TP53INP1: variants seen among roughly 807,000 people sequenced by gnomAD.
TP53INP1 encodes tumor protein p53 inducible nuclear protein 1, also known as tumor protein p53-inducible nuclear protein 1.
Under a neutral mutation model 21.0 loss-of-function variants are expected in TP53INP1, and 12 were observed. The ratio of observed to expected loss-of-function variants is 0.57; its 90% CI spans 0.37 to 0.93. The LOEUF is 0.93. TP53INP1 is among the 40% of genes least tolerant of loss of function. The probability of loss-of-function intolerance (pLI) is 0.01; values close to 1 mark genes in which losing one functional copy is unlikely to be tolerated. For missense variants in TP53INP1, 274 were observed against 294.7 expected (o/e 0.93, Z 0.51); for synonymous variants, 91 against 94.8 (o/e 0.96, Z 0.23).
intron 3 of TP53INP1, among the ~76,000 whole-genome samples, chr8:94,935,738 T>C (rs1820917243): frequency 1.3e-5 from 2 of 152,154 alleles, no homozygotes; most frequent in African/African-American, 2.4e-5. Context: ...TACAATTAGA[T>C]TGGAGAACAT....
intron 3 of TP53INP1, among the ~76,000 whole-genome samples, chr8:94,937,793 C>T (rs1821136734): frequency 6.6e-6 from 1 of 152,110 alleles, no homozygotes; most frequent in Admixed American, 6.6e-5. Context: ...TACCTAGACC[C>T]CATCTTGCAA....
chr8:94,927,653 A>G lies in TP53INP1; in HGVS notation c.*2826T>C, dbSNP rs143709181. ...ACAGTGCAGTACACAATTAGTTGAGAAAAAAAATAAACATAAGATATATAT... is the reference window on the plus strand; with the variant it reads ...ACAGTGCAGTACACAATTAGTTGAGGAAAAAAATAAACATAAGATATATAT... On this transcript the variant is annotated 3_prime_UTR_variant, in exon 4 of 4. Transcript: ENST00000342697. The G allele has an allele frequency of 2.7e-5, 4 of 150,882 alleles. No homozygotes were observed. Among genetic ancestry groups the G allele is most frequent in the Non-Finnish European group, 5.9e-5 (4 of 67,974 alleles). 9.3% of individuals were successfully genotyped at this position (150,882 alleles called of 1,614,324 possible).
rs1034770897 is a variant in TP53INP1 at position 94,928,420 on chromosome 8, C to G, written c.*2059G>C. 6.6e-6 allele frequency: 1 copy of G among 152,328 alleles called. No individual in the cohort carries two copies. The highest frequency in any genetic ancestry group is 6.5e-5 in the Admixed American group (1 of 15,276). The allele number at this position is 152,328 out of a possible 1,614,324, so 9.4% of individuals were successfully genotyped here. ...TTAAGCTGGTCTATTTTCAAGTTAC[C>G]AATGCATGGCCCTATAACAAACATC... is the stretch of plus-strand genomic sequence containing the variant. On this transcript the variant is annotated 3_prime_UTR_variant, in exon 4 of 4. Coordinates refer to ENST00000342697, the MANE Select transcript of TP53INP1 (RefSeq NM_033285.4).
intron 3 of TP53INP1, among the ~76,000 whole-genome samples, chr8:94,935,089 C>CGGTAGGTA (rs151249970): frequency 0.03 from 4,495 of 149,910 alleles, 218 homozygotes; most frequent in African/African-American, 0.1. Flanking sequence ...AAACAGGAAA[C>CGGTAGGTA]GGTAGGTAGG....
At chr8:94,932,180 A>G (rs1443499467) in intron 3 of TP53INP1, 14 of 1,505,844 alleles carry the variant, frequency 9.3e-6, no homozygotes, top group Non-Finnish European at 1.3e-5. Context: ...TACTATTAGG[A>G]CGTGGTCAAC....
chr8:94,936,075 C>T (rs1820946059), intron 3 of TP53INP1, among the ~76,000 whole-genome samples: 2 of 152,316 alleles, frequency 1.3e-5, no homozygotes, highest in Admixed American at 6.5e-5. Context: ...ACTGTGAACA[C>T]CTCTCAGTAA....
In TP53INP1 at chr8:94,941,103, C is replaced by T. The variant is rs567129117; in HGVS notation, c.-150-12G>A. On this transcript the variant is annotated splice_polypyrimidine_tract_variant and intron_variant, in intron 1 of 3. Coordinates refer to ENST00000342697, the MANE Select transcript of TP53INP1 (RefSeq NM_033285.4). The stretch of plus-strand genomic sequence containing the variant: ...AAGAGTCATTGTACCTAAAATAAAA[C>T]AGAAAAAGGAAGTTATTTCAAATCA... 1.0e-4 allele frequency: 61 copies of T among 592,076 alleles called. No individual in the cohort carries two copies. In the South Asian group the frequency reaches 1.3e-3, roughly 12 times the overall value. 36.7% of individuals were successfully genotyped at this position (592,076 alleles called of 1,614,324 possible).
Position 94,931,923 on chromosome 8 carries a change from T to C in TP53INP1, c.474-1195A>G, listed in dbSNP as rs554594874. On this transcript the variant is annotated intron_variant, in intron 3 of 3. Coordinates refer to ENST00000342697, the MANE Select transcript of TP53INP1 (RefSeq NM_033285.4). ...GGGGGTGGAGGCTGCTGTGAGCCAA[T>C]ATCACACCATTGCACTCCAGCCTGA... is the stretch of plus-strand genomic sequence containing the variant. 4.4e-6 allele frequency: 3 copies of C among 678,356 alleles called. No individual in the cohort carries two copies. In the South Asian group the frequency reaches 6.9e-5, roughly 16 times the overall value. 42.0% of individuals were successfully genotyped at this position (678,356 alleles called of 1,614,324 possible).
intron 3 of TP53INP1, among the ~76,000 whole-genome samples, chr8:94,939,103 G>T (rs1165243764): frequency 2.0e-5 from 3 of 152,200 alleles, no homozygotes; most frequent in Admixed American, 2.0e-4. Flanking sequence ...ACTGTGCAGT[G>T]TGAGTATTGC....
chr8:94,938,663 T>G (rs1474647297), intron 3 of TP53INP1, among the ~76,000 whole-genome samples: 2 of 152,198 alleles, frequency 1.3e-5, no homozygotes, highest in African/African-American at 4.8e-5. Flanking sequence ...CCAATAGTAC[T>G]GAGTTCAGGG....
chr8:94,939,350 A>G (rs1209271707), intron 3 of TP53INP1, among the ~76,000 whole-genome samples: 1 of 152,216 alleles, frequency 6.6e-6, no homozygotes, highest in Non-Finnish European at 1.5e-5. Flanking sequence ...ATGCTATTAT[A>G]TAACTGGGGC....
At chr8:94,947,782 G>T (rs996913499) in intron 1 of TP53INP1, among the ~76,000 whole-genome samples, 1 of 152,202 alleles carries the variant, frequency 6.6e-6, no homozygotes, top group Non-Finnish European at 1.5e-5. Flanking sequence ...GGAAGCAATG[G>T]CAGGAAAGAA....
chr8:94,930,743 AGT>A lies in TP53INP1; in HGVS notation c.474-17_474-16del, dbSNP rs138854584. The A allele has an allele frequency of 0.01, 16,747 of 1,612,702 alleles. 125 individuals are homozygous for A. The highest frequency in any genetic ancestry group is 0.033 in the Middle Eastern group (198 of 5,996). On this transcript the variant is annotated splice_polypyrimidine_tract_variant and intron_variant, in intron 3 of 3. Transcript: ENST00000342697. ...GAGCTTCCACTCTGAAACAGAAAAA[AGT>A]GGGGATGTATTAAATAACAGAGTAT... is the stretch of plus-strand genomic sequence containing the variant.
intron 3 of TP53INP1, among the ~76,000 whole-genome samples, chr8:94,933,281 T>C (rs1820608960): frequency 6.6e-6 from 1 of 152,228 alleles, no homozygotes. Context: ...GTATTTGTTT[T>C]ACTATCCCTA....
intron 3 of TP53INP1, among the ~76,000 whole-genome samples, chr8:94,938,854 C>T (rs1821246731): frequency 6.6e-6 from 1 of 152,220 alleles, no homozygotes; most frequent in Admixed American, 6.5e-5. Flanking sequence ...CGTGGGAACA[C>T]CAGTTTACAG....
intron 1 of TP53INP1, among the ~76,000 whole-genome samples, chr8:94,941,768 G>A (rs1262157401): frequency 6.6e-6 from 1 of 152,208 alleles, no homozygotes; most frequent in Non-Finnish European, 1.5e-5. Flanking sequence ...TGCTGTGTGA[G>A]TTAGGAAGTT....
At chr8:94,934,211 T>C (rs1820744478) in intron 3 of TP53INP1, among the ~76,000 whole-genome samples, 1 of 152,108 alleles carries the variant, frequency 6.6e-6, no homozygotes, top group Non-Finnish European at 1.5e-5. Flanking sequence ...CATCTCTGGG[T>C]CATGAAAATG....
In TP53INP1 at chr8:94,940,178, T is replaced by C. The variant is rs1214200215; in HGVS notation, c.155A>G (p.Glu52Gly). ...AGTAGGTGACTCTTCACTGATGTCCTCCTCTTCTTCTTCTTCTTCTGCTGA... is the reference window on the plus strand; with the variant it reads ...AGTAGGTGACTCTTCACTGATGTCCCCCTCTTCTTCTTCTTCTTCTGCTGA... ...GFSAEEEEEE[E>G]DISEESPTEH... is the part of the protein sequence containing the mutation. The change falls in exon 3 of 4, where the codon GAG becomes GGG. Residue 52 changes from glutamate (E) to glycine (G), a missense_variant. Transcript: ENST00000342697. The C allele has an allele frequency of 3.1e-6, 5 of 1,613,668 alleles. No individual in the cohort carries two copies. In the South Asian group the frequency reaches 3.3e-5, roughly 11 times the overall value.
intron 1 of TP53INP1, among the ~76,000 whole-genome samples, chr8:94,947,751 A>G (rs1822148328): frequency 6.6e-6 from 1 of 152,246 alleles, no homozygotes; most frequent in Non-Finnish European, 1.5e-5. Flanking sequence ...ATAATCTTGA[A>G]TTTTGAAAGC....
Sources: gnomAD v4.1 joint callset for allele counts (sites outside exome capture counted in the v4.1 genomes callset) on GRCh38, gnomAD v4.1.1 for gene constraint, MANE v1.5 for transcripts, NCBI Gene and HGNC (gene_info 2026-07-23, HGNC 2026-07-21) for gene names.